The following FBXL17 variants were observed in gnomAD, a reference collection of about 807,000 sequenced individuals.
The protein encoded by FBXL17 is F-box and leucine rich repeat protein 17, also known as F-box/LRR-repeat protein 17.
FBXL17 carries 22 observed loss-of-function variants against 66.2 expected under a neutral mutation model. That is an observed-to-expected ratio of 0.33 (90% CI 0.24 to 0.47). The LOEUF (loss-of-function observed/expected upper bound fraction) is 0.47, where lower values mean the gene tolerates loss of function less well. Among genes scored for constraint, FBXL17 ranks in the 20% least tolerant of loss-of-function variants. FBXL17 has a pLI of 1.00. For synonymous variants in FBXL17, 474 were observed against 400.5 expected (o/e 1.18, Z -2.19); for missense variants, 878 against 948.2 (o/e 0.93, Z 0.97).
chr5:108,104,894 T>G (rs909041139), intron 6 of FBXL17, among the ~76,000 whole-genome samples: 1 of 152,152 alleles, frequency 6.6e-6, no homozygotes, highest in Non-Finnish European at 1.5e-5. Context: ...AGGCTTGGAG[T>G]GCAGTGGTGC....
intron 6 of FBXL17, among the ~76,000 whole-genome samples, chr5:108,060,137 T>C (rs1365957289): frequency 6.6e-6 from 1 of 151,254 alleles, no homozygotes; most frequent in African/African-American, 2.4e-5. Context: ...AGTACAAATC[T>C]ACATGTTATC....
intron 6 of FBXL17, among the ~76,000 whole-genome samples, chr5:108,172,216 C>A (rs1341643856): frequency 1.3e-5 from 2 of 152,190 alleles, no homozygotes; most frequent in African/African-American, 4.8e-5. Flanking sequence ...AGAGACCAGT[C>A]TGAGCTTATT....
intron 4 of FBXL17, among the ~76,000 whole-genome samples, chr5:108,227,235 C>T (rs116018158): frequency 0.013 from 2,033 of 152,142 alleles, 51 homozygotes; most frequent in African/African-American, 0.047. Flanking sequence ...CATGTGAAAA[C>T]TTGAGGCCCC....
At chr5:108,365,658 T>C (rs1748614558) in intron 2 of FBXL17, among the ~76,000 whole-genome samples, 1 of 152,078 alleles carries the variant, frequency 6.6e-6, no homozygotes, top group Non-Finnish European at 1.5e-5. Context: ...AAGTTTATAA[T>C]TGGTCAGTGA....
chr5:108,224,355 A>C (rs1755002634), intron 4 of FBXL17, 127 bp from the exon 5 acceptor site: 1 of 466,906 alleles, frequency 2.1e-6, no homozygotes, highest in South Asian at 3.6e-5. Context: ...GATCATTTGA[A>C]TCAGCATACA....
chr5:108,272,988 G>C (rs1305551348), intron 4 of FBXL17, among the ~76,000 whole-genome samples: 1 of 152,088 alleles, frequency 6.6e-6, no homozygotes, highest in Admixed American at 6.6e-5. Context: ...GTACAAAAGA[G>C]ATAAATTTTA....
At chr5:108,262,309 C>T (rs139243221) in intron 4 of FBXL17, among the ~76,000 whole-genome samples, 3,160 of 151,698 alleles carry the variant, frequency 0.021, 112 homozygotes, top group African/African-American at 0.072. Context: ...GATCTCCTGA[C>T]CTCATGATCC....
chr5:108,183,793 C>G (rs1012018492), intron 6 of FBXL17, among the ~76,000 whole-genome samples: 1 of 152,098 alleles, frequency 6.6e-6, no homozygotes, highest in African/African-American at 2.4e-5. Flanking sequence ...GTTCAACGCC[C>G]ACTCGTAAGT....
At chr5:107,914,540 T>A (rs577831119) in intron 7 of FBXL17, among the ~76,000 whole-genome samples, 2 of 152,198 alleles carry the variant, frequency 1.3e-5, no homozygotes, top group Non-Finnish European at 2.9e-5. Flanking sequence ...GTTGAAGCCA[T>A]CCTCAACTCT....
intron 5 of FBXL17, among the ~76,000 whole-genome samples, chr5:108,210,107 T>TAAACAC (rs1754302373): frequency 6.6e-6 from 1 of 152,222 alleles, no homozygotes; most frequent in Non-Finnish European, 1.5e-5. Context: ...ATAGAGGTGT[T>TAAACAC]TATAGTATTC....
intron 7 of FBXL17, among the ~76,000 whole-genome samples, chr5:107,906,383 G>T (rs550818345): frequency 6.6e-6 from 1 of 152,178 alleles, no homozygotes; most frequent in South Asian, 2.1e-4. Flanking sequence ...GTTATGAAAA[G>T]CACTTTGAAC....
chr5:108,209,931 G>A (rs967738273), intron 5 of FBXL17, among the ~76,000 whole-genome samples: 7 of 152,062 alleles, frequency 4.6e-5, no homozygotes, highest in Non-Finnish European at 7.4e-5. Flanking sequence ...CTGTGAATCC[G>A]TCTGGTCCCA....
intron 3 of FBXL17, among the ~76,000 whole-genome samples, chr5:108,355,055 C>G (rs1446505050): frequency 1.3e-5 from 2 of 151,778 alleles, no homozygotes; most frequent in Non-Finnish European, 2.9e-5. Flanking sequence ...TGACACAGGT[C>G]AAAAACTTGG....
At chr5:108,321,314 C>T (rs755366421) in intron 4 of FBXL17, among the ~76,000 whole-genome samples, 1 of 151,750 alleles carries the variant, frequency 6.6e-6, no homozygotes, top group Non-Finnish European at 1.5e-5. Context: ...AAATTCACAA[C>T]TCTAAAATAT....
intron 5 of FBXL17, among the ~76,000 whole-genome samples, chr5:108,202,650 T>C (rs549672593): frequency 1.1e-4 from 17 of 152,258 alleles, no homozygotes; most frequent in African/African-American, 3.6e-4. Context: ...AGGATGGATA[T>C]GCTGGACAAA....
chr5:108,132,055 C>T (rs1750956156), intron 6 of FBXL17, among the ~76,000 whole-genome samples: 1 of 151,582 alleles, frequency 6.6e-6, no homozygotes, highest in South Asian at 2.1e-4. Context: ...CGGTTCATCG[C>T]AACCTCCGCC....
At chr5:107,997,629 T>C (rs1753531619) in intron 7 of FBXL17, among the ~76,000 whole-genome samples, 1 of 152,192 alleles carries the variant, frequency 6.6e-6, no homozygotes, top group Non-Finnish European at 1.5e-5. Context: ...GATGGTTTCC[T>C]TTTTCTTTCT....
intron 6 of FBXL17, among the ~76,000 whole-genome samples, chr5:108,116,405 C>G (rs1750250675): frequency 6.6e-6 from 1 of 150,552 alleles, no homozygotes; most frequent in African/African-American, 2.4e-5. Flanking sequence ...TTTGGGAGGC[C>G]AAGGAGGGTG....
chr5:107,928,402 C>CA (rs1490795203), intron 7 of FBXL17, among the ~76,000 whole-genome samples: 3 of 149,058 alleles, frequency 2.0e-5, no homozygotes, highest in South Asian at 2.1e-4. Flanking sequence ...TTCCAAGAGA[C>CA]AAAAAGCTAC....
Sources: gnomAD v4.1 joint callset for allele counts (sites outside exome capture counted in the v4.1 genomes callset) on GRCh38, gnomAD v4.1.1 for gene constraint, MANE v1.5 for transcripts, NCBI Gene and HGNC (gene_info 2026-07-23, HGNC 2026-07-21) for gene names.